Variants in MGAT4C observed in about 807,000 individuals in gnomAD.
The protein encoded by MGAT4C is MGAT4 family member C.
MGAT4C carries 19 observed loss-of-function variants against 40.1 expected under a neutral mutation model. The observed-to-expected ratio is 0.47, with a 90% CI of 0.33 to 0.70. The LOEUF is 0.70. Ranked by LOEUF, MGAT4C falls within the 30% of genes least tolerant of loss-of-function variation. The pLI, the probability that MGAT4C is intolerant of heterozygous loss-of-function variation, is 0.02. For synonymous variants in MGAT4C, 181 were observed against 187.1 expected (o/e 0.97, Z 0.27); for missense variants, 491 against 563.2 (o/e 0.87, Z 1.30).
chr12:86,265,321 G>GGAA (rs1952759380), intron 4 of MGAT4C, among the ~76,000 whole-genome samples: 1 of 152,208 alleles, frequency 6.6e-6, no homozygotes, highest in Non-Finnish European at 1.5e-5. Flanking sequence ...AGCCACAGAG[G>GGAA]TTCCCAGCTG....
intron 4 of MGAT4C, among the ~76,000 whole-genome samples, chr12:86,304,240 C>T (rs1953881171): frequency 6.7e-6 from 1 of 150,346 alleles, no homozygotes; most frequent in Non-Finnish European, 1.5e-5. Flanking sequence ...GGCAGATAAG[C>T]TTTTTTTGTT....
chr12:86,469,381 G>A (rs1322482821), intron 2 of MGAT4C, among the ~76,000 whole-genome samples: 4 of 152,070 alleles, frequency 2.6e-5, no homozygotes, highest in Non-Finnish European at 4.4e-5. Flanking sequence ...CTTCTGTCTT[G>A]CTAGTCTCAT....
At chr12:86,537,404 C>G (rs1011608281) in intron 2 of MGAT4C, among the ~76,000 whole-genome samples, 8 of 151,230 alleles carry the variant, frequency 5.3e-5, no homozygotes, top group African/African-American at 1.7e-4. Flanking sequence ...CTTTTTCATA[C>G]TTGTTAACTT....
chr12:86,573,305 G>A (rs1376006990), intron 2 of MGAT4C, among the ~76,000 whole-genome samples: 1 of 151,894 alleles, frequency 6.6e-6, no homozygotes, highest in South Asian at 2.1e-4. Flanking sequence ...TAGAAAATAC[G>A]AGAGGCAATT....
intron 2 of MGAT4C, among the ~76,000 whole-genome samples, chr12:85,999,078 T>G (rs2136763623): frequency 6.6e-6 from 1 of 152,238 alleles, no homozygotes; most frequent in African/African-American, 2.4e-5. Context: ...AGTCATGTCT[T>G]ACATGGATGG....
At chr12:86,436,793 G>A (rs1404141353) in intron 2 of MGAT4C, among the ~76,000 whole-genome samples, 6 of 151,608 alleles carry the variant, frequency 4.0e-5, no homozygotes, top group African/African-American at 9.7e-5. Flanking sequence ...TAACATATTC[G>A]GAGCTGTGAT....
At chr12:86,355,262 C>T (rs927088453) in intron 3 of MGAT4C, among the ~76,000 whole-genome samples, 2 of 152,188 alleles carry the variant, frequency 1.3e-5, no homozygotes, top group Non-Finnish European at 2.9e-5. Flanking sequence ...CTGATTGGCA[C>T]ATTTTACAAT....
chr12:86,074,337 T>TATAGATAGATAGATAG (rs3991314), intron 1 of MGAT4C, among the ~76,000 whole-genome samples: 7 of 149,026 alleles, frequency 4.7e-5, no homozygotes, highest in Non-Finnish European at 8.9e-5. Flanking sequence ...TTAATAAACA[T>TATAGATAGATAGATAG]ATAGATAGAT....
intron 1 of MGAT4C, among the ~76,000 whole-genome samples, chr12:86,105,692 T>A (rs1242883595): frequency 2.0e-5 from 3 of 152,200 alleles, no homozygotes; most frequent in Non-Finnish European, 2.9e-5. Context: ...ATCTTCCATG[T>A]TAATTACTAT....
intron 4 of MGAT4C, among the ~76,000 whole-genome samples, chr12:86,324,180 G>A (rs1004267106): frequency 6.6e-6 from 1 of 151,706 alleles, no homozygotes; most frequent in Non-Finnish European, 1.5e-5. Context: ...CTTATTCTAT[G>A]GTTATGTATT....
At chr12:86,682,088 C>T (rs140223136) in intron 2 of MGAT4C, among the ~76,000 whole-genome samples, 39 of 152,110 alleles carry the variant, frequency 2.6e-4, no homozygotes, top group Non-Finnish European at 4.7e-4. Context: ...AATCTGAATG[C>T]AGGTGCATGG....
intron 3 of MGAT4C, among the ~76,000 whole-genome samples, chr12:86,379,623 A>G (rs1955891887): frequency 6.6e-6 from 1 of 152,118 alleles, no homozygotes; most frequent in South Asian, 2.1e-4. Flanking sequence ...TGAATGAGCA[A>G]AGGAAAAAAA....
intron 2 of MGAT4C, among the ~76,000 whole-genome samples, chr12:86,573,564 C>G (rs1323575953): frequency 6.6e-6 from 1 of 151,844 alleles, no homozygotes; most frequent in Admixed American, 6.6e-5. Context: ...TAGAACTTCC[C>G]TACCACCAAC....
At chr12:86,253,722 G>A (rs1952400303) in intron 1 of MGAT4C, among the ~76,000 whole-genome samples, 1 of 151,808 alleles carries the variant, frequency 6.6e-6, no homozygotes, top group South Asian at 2.1e-4. Flanking sequence ...AAGTTGGCCT[G>A]GAATGCCCAG....
rs561670655 is a variant in MGAT4C, at chr12:86,130,271, T to C, written c.-56-80548A>G. Among the ~76,000 whole-genome samples, 17 of 99,062 alleles carry C rather than the reference T, an allele frequency of 1.7e-4. No homozygotes were observed. In the East Asian group the frequency reaches 9.8e-3, roughly 57 times the overall value. 65.0% of individuals were successfully genotyped at this position (99,062 alleles called of 152,430 possible). Reference sequence around the variant, plus strand: ...AGTACTGACTAATAAACATTAAAGATTGTTATCACAAAAATGAAAATACCC... The same window carrying C: ...AGTACTGACTAATAAACATTAAAGACTGTTATCACAAAAATGAAAATACCC... On this transcript the variant is annotated intron_variant, in intron 1 of 4. Transcript: ENST00000611864.
chr12:86,119,874 A>C (rs985770692), intron 1 of MGAT4C, among the ~76,000 whole-genome samples: 1 of 151,864 alleles, frequency 6.6e-6, no homozygotes, highest in African/African-American at 2.4e-5. Flanking sequence ...TTTCTTTTTA[A>C]TAATATATTA....
chr12:86,421,537 C>T (rs909309907), intron 3 of MGAT4C, among the ~76,000 whole-genome samples: 16 of 152,040 alleles, frequency 1.1e-4, no homozygotes, highest in Admixed American at 8.5e-4. Context: ...TTTGGGAGGC[C>T]GAGGCAGGGG....
intron 2 of MGAT4C, among the ~76,000 whole-genome samples, chr12:86,558,422 G>C (rs748501515): frequency 6.6e-6 from 1 of 151,988 alleles, no homozygotes; most frequent in Non-Finnish European, 1.5e-5. Flanking sequence ...ATGGAGAAAA[G>C]TCAAGGACAA....
chr12:86,829,625 G>T (rs1054089586), intron 1 of MGAT4C, among the ~76,000 whole-genome samples: 3 of 151,282 alleles, frequency 2.0e-5, no homozygotes, highest in Non-Finnish European at 1.5e-5. Flanking sequence ...TGATTTCAGT[G>T]ACCTATAGCA....
Sources: gnomAD v4.1 joint callset for allele counts (sites outside exome capture counted in the v4.1 genomes callset) on GRCh38, gnomAD v4.1.1 for gene constraint, MANE v1.5 for transcripts, NCBI Gene and HGNC (gene_info 2026-07-23, HGNC 2026-07-21) for gene names.